NKTR: variants seen among roughly 807,000 people sequenced by gnomAD.
The protein encoded by NKTR is NK-tumor recognition protein.
NKTR carries 67 observed loss-of-function variants against 156.3 expected under a neutral mutation model. The ratio of observed to expected loss-of-function variants is 0.43; its 90% CI spans 0.35 to 0.53. NKTR has a LOEUF of 0.53. Ranked by LOEUF, NKTR falls within the 20% of genes least tolerant of loss-of-function variation. NKTR has a pLI of 0.01. For missense variants in NKTR, 1,604 were observed against 1,730.9 expected (o/e 0.93, Z 1.30); for synonymous variants, 640 against 596.6 (o/e 1.07, Z -1.06).
chr3:42,630,786 C>T, intron 7 of NKTR: 1 of 1,368,580 alleles, frequency 7.3e-7, no homozygotes, highest in Non-Finnish European at 9.4e-7. Context: ...CATGGATGGG[C>T]TTCTCAGCAA....
intron 2 of NKTR, among the ~76,000 whole-genome samples, chr3:42,613,077 A>C (rs899732028): frequency 1.3e-5 from 2 of 152,032 alleles, no homozygotes; most frequent in Non-Finnish European, 2.9e-5. Flanking sequence ...GTCTCTGGGG[A>C]TATAGTGGTA....
At chr3:42,619,250 T>C (rs555198405) in intron 4 of NKTR, 123 bp downstream of exon 4, 2 of 1,494,842 alleles carry the variant, frequency 1.3e-6, no homozygotes, top group South Asian at 1.4e-5. Context: ...CAGTGAATAC[T>C]TGTTGGATGA....
chr3:42,625,788 A>G (rs550626478), intron 6 of NKTR, among the ~76,000 whole-genome samples: 1 of 152,322 alleles, frequency 6.6e-6, no homozygotes, highest in African/African-American at 2.4e-5. Flanking sequence ...GCCATAAACC[A>G]TATTCTCTGA....
intron 2 of NKTR, chr3:42,612,279 T>C (rs1230931604): frequency 6.6e-6 from 1 of 152,108 alleles, no homozygotes; most frequent in Non-Finnish European, 1.5e-5. Context: ...AGAAAATTAA[T>C]GAAAGTGAGT....
At chr3:42,644,653 T>C in intron 16 of NKTR, among the ~76,000 whole-genome samples, 1 of 151,902 alleles carries the variant, frequency 6.6e-6, no homozygotes, top group Non-Finnish European at 1.5e-5. Context: ...AGGTCCAGCC[T>C]CCTCAGCACC....
rs762500017 is a variant in NKTR, at chr3:42,635,363, A to G, written c.1160A>G (p.Asp387Gly). 4 of 1,607,254 alleles carry G rather than the reference A, an allele frequency of 2.5e-6. No homozygotes were observed. Among genetic ancestry groups the G allele is most frequent in the Non-Finnish European group, 2.5e-6 (3 of 1,176,912 alleles). ...AGTGGAGAAAAATGGAGTAAAGGAG[A>G]TAAGTAAGAACTTTGAGTATAAGCA... ...PPSGEKWSKG[D>G]KLSDPCSSRW... Residue 387 changes from aspartate to glycine, a missense_variant, in exon 12 of 17, where the codon GAT (aspartate) becomes GGT (glycine). Asp to Gly is a moderately conservative substitution (Grantham distance 94, BLOSUM62 -1). Coordinates refer to ENST00000232978, the MANE Select transcript of NKTR (RefSeq NM_005385.4).
At chr3:42,642,836 C>A (rs1710011522) in intron 14 of NKTR, among the ~76,000 whole-genome samples, 1 of 152,218 alleles carries the variant, frequency 6.6e-6, no homozygotes, top group Admixed American at 6.5e-5. Flanking sequence ...TTGACCCCTA[C>A]CTCCACCTCC....
At chr3:42,620,112 G>A (rs890357590) in intron 5 of NKTR, 1 of 1,516,998 alleles carries the variant, frequency 6.6e-7, no homozygotes, top group Non-Finnish European at 8.8e-7. Flanking sequence ...ATAAATTTAT[G>A]GACAGTCTGG....
chr3:42,625,849 G>A (rs980896918), intron 6 of NKTR, among the ~76,000 whole-genome samples: 1 of 152,034 alleles, frequency 6.6e-6, no homozygotes, highest in African/African-American at 2.4e-5. Flanking sequence ...ATGTTTATGT[G>A]ACTTACGTGC....
At position 42,639,083 on chromosome 3, in the gene NKTR, G is replaced by T. The variant is rs769900419; in HGVS notation, c.3379G>T (p.Asp1127Tyr). Residue 1127 changes from aspartate to tyrosine, a missense_variant, in exon 13 of 17, where the codon GAC becomes TAC. By Grantham distance (160) the Asp-to-Tyr change is radical (BLOSUM62 -3). Transcript: ENST00000232978. ...AGTGGAAGATGTGCTTCAAACAGATGACAACATGGAGATCTGCACTCCTGA... is the reference window on the plus strand; with the variant it reads ...AGTGGAAGATGTGCTTCAAACAGATTACAACATGGAGATCTGCACTCCTGA... ...NGVEDVLQTD[D>Y]NMEICTPDRS... is the part of the protein sequence containing the mutation. 7.4e-6 allele frequency: 12 copies of T among 1,614,106 alleles called. No individual in the cohort carries two copies. In the South Asian group the frequency reaches 1.2e-4, roughly 16 times the overall value.
intron 2 of NKTR, among the ~76,000 whole-genome samples, chr3:42,608,327 C>T (rs1468059577): frequency 6.6e-6 from 1 of 152,116 alleles, no homozygotes; most frequent in East Asian, 1.9e-4. Flanking sequence ...CTACAACCCC[C>T]TGCTCAGCTT....
chr3:42,630,044 C>T lies in NKTR; in HGVS notation c.375-502C>T. ...GAAACAGAACTCCTGAGACCTACCT[C>T]TGCCTGCCTAAAAATGTGGACTGAC... On this transcript the variant is annotated intron_variant, in intron 6 of 16. Coordinates refer to ENST00000232978, the MANE Select transcript of NKTR (RefSeq NM_005385.4). 3.0e-6 allele frequency: 3 copies of T among 985,562 alleles called. No homozygotes were observed. The South Asian group carries it at 1.4e-4, about 46-fold the overall frequency. 61.1% of individuals were successfully genotyped at this position (985,562 alleles called of 1,614,324 possible).
intron 8 of NKTR, among the ~76,000 whole-genome samples, chr3:42,631,911 C>A (rs2063522955): frequency 6.6e-6 from 1 of 152,164 alleles, no homozygotes; most frequent in Admixed American, 6.5e-5. Flanking sequence ...TTGTCTGGAA[C>A]ACCCTTTGTT....
rs768766305 is a variant in NKTR, at chr3:42,638,837, T to G, written c.3133T>G (p.Ser1045Ala). ...VTQESKEKKV[S>A]ENNETIKDNI... Reference sequence around the variant, plus strand: ...TCAGGAATCAAAAGAGAAAAAAGTTTCTGAAAACAATGAAACCATAAAAGA... The same window carrying G: ...TCAGGAATCAAAAGAGAAAAAAGTTGCTGAAAACAATGAAACCATAAAAGA... Residue 1045 changes from serine to alanine, a missense_variant, in exon 13 of 17, where the codon TCT becomes GCT. By Grantham distance (99) the Ser-to-Ala change is moderately conservative (BLOSUM62 1). Around this residue, in one of 6 missense-constraint regions of NKTR, gnomAD observed 1,255 missense variants for 1,243.7 expected, o/e 1.01. Transcript: ENST00000232978. 2.3e-5 allele frequency: 37 copies of G among 1,601,812 alleles called. No homozygotes were observed. The South Asian group carries it at 4.2e-4, about 18-fold the overall frequency.
chr3:42,629,698 G>A, intron 6 of NKTR: 6 of 981,094 alleles, frequency 6.1e-6, no homozygotes, highest in Non-Finnish European at 7.3e-6. Flanking sequence ...CTAATTATCT[G>A]CTTTTGAATT....
intron 2 of NKTR, among the ~76,000 whole-genome samples, chr3:42,611,868 G>C (rs1167853697): frequency 6.6e-6 from 1 of 152,022 alleles, no homozygotes; most frequent in African/African-American, 2.4e-5. Context: ...GGTTTTTATT[G>C]ATTCTCCACT....
Position 42,621,107 on chromosome 3 carries a change from A to C in NKTR, c.287-322A>C, listed in dbSNP as rs1445186719. 5.1e-6 allele frequency: 5 copies of C among 988,330 alleles called. No homozygotes were observed. In the East Asian group the frequency reaches 5.3e-4, roughly 106 times the overall value. The allele number at this position is 988,330 out of a possible 1,614,324, so 61.2% of individuals were successfully genotyped here. ...GGAAGTAAGCTAGAGATTTTTCTAAAATTTTATTAGTTTTCCCTGAAAGTT... is the reference window on the plus strand; with the variant it reads ...GGAAGTAAGCTAGAGATTTTTCTAACATTTTATTAGTTTTCCCTGAAAGTT... On this transcript the variant is annotated intron_variant, in intron 5 of 16. Coordinates refer to ENST00000232978, the MANE Select transcript of NKTR (RefSeq NM_005385.4).
intron 7 of NKTR, 49 bp from the exon 8 acceptor site, chr3:42,631,122 T>G: frequency 1.9e-6 from 3 of 1,606,486 alleles, no homozygotes; most frequent in East Asian, 2.2e-5. Flanking sequence ...GATTACTGTT[T>G]ATAGCTTAAT....
At chr3:42,622,869 G>A (rs1036824657) in intron 6 of NKTR, among the ~76,000 whole-genome samples, 5 of 152,002 alleles carry the variant, frequency 3.3e-5, no homozygotes, top group African/African-American at 9.6e-5. Context: ...CATGAAAAAC[G>A]TAATGATTCA....
Sources: allele counts gnomAD v4.1 joint callset (sites outside exome capture counted in the v4.1 genomes callset), GRCh38; gene constraint gnomAD v4.1.1; regional missense constraint gnomAD v4.1.1; transcripts MANE v1.5; gene names NCBI Gene and HGNC (gene_info 2026-07-23, HGNC 2026-07-21).